The following CLVS2 variants were observed in gnomAD, a reference collection of about 807,000 sequenced individuals.
CLVS2 encodes the protein clavesin-2.
In CLVS2, 19 loss-of-function variants were observed where a neutral mutation model predicts 29.0. The observed-to-expected ratio is 0.66, with a 90% CI of 0.46 to 0.96. The LOEUF (loss-of-function observed/expected upper bound fraction) is 0.96, where lower values mean the gene tolerates loss of function less well. CLVS2 is among the 40% of genes least tolerant of loss of function. CLVS2 has a pLI of 0.00. For missense variants in CLVS2, 294 were observed against 404.1 expected (o/e 0.73, Z 2.34); for synonymous variants, 161 against 151.3 (o/e 1.06, Z -0.47).
intron 3 of CLVS2, among the ~76,000 whole-genome samples, chr6:123,043,883 C>G (rs1046889116): frequency 2.0e-5 from 3 of 152,084 alleles, no homozygotes; most frequent in Non-Finnish European, 4.4e-5. Flanking sequence ...GGATTCTTTA[C>G]TTTTTCTTTC....
intron 3 of CLVS2, among the ~76,000 whole-genome samples, chr6:123,040,184 A>G (rs1775208275): frequency 6.6e-6 from 1 of 152,206 alleles, no homozygotes; most frequent in Non-Finnish European, 1.5e-5. Flanking sequence ...TAGGCCTCAG[A>G]TTTTGAGATA....
At chr6:123,043,973 T>C (rs1775271529) in intron 3 of CLVS2, among the ~76,000 whole-genome samples, 1 of 152,134 alleles carries the variant, frequency 6.6e-6, no homozygotes, top group Non-Finnish European at 1.5e-5. Flanking sequence ...CACACACACA[T>C]ATAATGATAC....
rs891559896 is a variant in CLVS2, at chr6:123,067,608, T to C, written c.*3847T>C. On this transcript the variant is annotated 3_prime_UTR_variant, in exon 6 of 6. Transcript: ENST00000275162. ...AAATAAAATGAGCAGAGCTCTAGCA[T>C]GATATTTGAACTTTCAGATATGGTA... 3 of 151,774 alleles carry C rather than the reference T, an allele frequency of 2.0e-5. No homozygotes were observed. Among genetic ancestry groups the C allele is most frequent in the African/African-American group, 7.2e-5 (3 of 41,410 alleles). 9.4% of individuals were successfully genotyped at this position (151,774 alleles called of 1,614,324 possible). A position where few individuals can be genotyped will look rare whatever the true frequency, so the allele number is the denominator to read the frequency against.
rs984093628 is a variant in CLVS2 at position 123,010,982 on chromosome 6, T to C, written c.390-3T>C. The C allele has an allele frequency of 6.8e-7, 1 of 1,480,498 alleles. No individual in the cohort carries two copies. Among genetic ancestry groups the C allele is most frequent in the African/African-American group, 1.4e-5 (1 of 70,354 alleles). 91.7% of individuals were successfully genotyped at this position (1,480,498 alleles called of 1,614,324 possible). On this transcript the variant is annotated splice_polypyrimidine_tract_variant and splice_region_variant and intron_variant, in intron 2 of 5. Coordinates refer to ENST00000275162, the MANE Select transcript of CLVS2 (RefSeq NM_001010852.4). ...TAATTTAGTACTTTTCTGTCGCCGA[T>C]AGGTACACACTGGTGGATATTTTGC...
intron 2 of CLVS2, among the ~76,000 whole-genome samples, chr6:123,009,682 C>G (rs1279927121): frequency 6.6e-6 from 1 of 152,024 alleles, no homozygotes; most frequent in Non-Finnish European, 1.5e-5. Context: ...TTCCTGAAAT[C>G]TCTCCTGAGT....
intron 3 of CLVS2, among the ~76,000 whole-genome samples, chr6:123,038,312 C>T (rs1775182735): frequency 6.6e-6 from 1 of 152,098 alleles, no homozygotes; most frequent in African/African-American, 2.4e-5. Context: ...TATTCTCTAC[C>T]AGAATATAAA....
intron 3 of CLVS2, among the ~76,000 whole-genome samples, chr6:123,013,341 C>T (rs1264818672): frequency 6.6e-6 from 1 of 151,942 alleles, no homozygotes. Context: ...ACCATCAACA[C>T]CACAACAGTA....
Position 123,008,377 on chromosome 6 carries a change from C to T in CLVS2, c.390-2608C>T, listed in dbSNP as rs114805276. ...TTTGGAATAATGATATGTGTATCAA[C>T]GTTTATCTTGATTTTGAAACAGTTT... On this transcript the variant is annotated intron_variant, in intron 2 of 5. Transcript: ENST00000275162. Among the ~76,000 whole-genome samples the T allele has an allele frequency of 1.4e-3, 210 of 152,074 alleles. 1 individual carries two copies. Among genetic ancestry groups the T allele is most frequent in the Middle Eastern group, 6.8e-3 (2 of 294 alleles).
At chr6:123,016,352 G>A (rs976293609) in intron 3 of CLVS2, among the ~76,000 whole-genome samples, 1 of 138,084 alleles carries the variant, frequency 7.2e-6, no homozygotes, top group Non-Finnish European at 1.6e-5. Flanking sequence ...GGGGGAGGGG[G>A]AGGGTTACTG....
At chr6:123,005,774 A>T (rs1045600120) in intron 2 of CLVS2, among the ~76,000 whole-genome samples, 1 of 152,196 alleles carries the variant, frequency 6.6e-6, no homozygotes, top group African/African-American at 2.4e-5. Context: ...GTGTGGCAGG[A>T]CAAGGCTCTT....
chr6:123,050,551 G>T (rs1772594311), intron 4 of CLVS2, among the ~76,000 whole-genome samples: 1 of 152,166 alleles, frequency 6.6e-6, no homozygotes, highest in East Asian at 1.9e-4. Context: ...GAATAGCAAA[G>T]ACAAATGTCT....
intron 2 of CLVS2, 77 bp from the exon 3 acceptor site, chr6:123,010,908 G>T: frequency 1.1e-6 from 1 of 931,160 alleles, no homozygotes; most frequent in Non-Finnish European, 1.5e-6. Flanking sequence ...TGAATTTTTA[G>T]TGTGCTAGAA....
intron 2 of CLVS2, among the ~76,000 whole-genome samples, chr6:122,999,276 C>T (rs1311305653): frequency 6.6e-6 from 1 of 152,138 alleles, no homozygotes; most frequent in African/African-American, 2.4e-5. Flanking sequence ...ATAGAGATTT[C>T]CAGATAGGCT....
intron 3 of CLVS2, among the ~76,000 whole-genome samples, chr6:123,024,316 G>A (rs1379805911): frequency 6.6e-6 from 1 of 152,074 alleles, no homozygotes; most frequent in African/African-American, 2.4e-5. Context: ...TTATTCCTAG[G>A]ACACAAAACT....
intron 3 of CLVS2, among the ~76,000 whole-genome samples, chr6:123,027,007 G>A (rs894521216): frequency 7.2e-5 from 11 of 152,108 alleles, no homozygotes; most frequent in South Asian, 2.1e-4. Flanking sequence ...AGAGATGTAC[G>A]TAGGGAAACA....
chr6:123,006,981 T>G (rs892645922), intron 2 of CLVS2, among the ~76,000 whole-genome samples: 7 of 152,162 alleles, frequency 4.6e-5, no homozygotes, highest in Non-Finnish European at 7.3e-5. Context: ...AAAAGTTCAA[T>G]GCAGCGTCAC....
chr6:123,008,584 A>G (rs926474702), intron 2 of CLVS2, among the ~76,000 whole-genome samples: 8 of 152,166 alleles, frequency 5.3e-5, no homozygotes, highest in African/African-American at 1.9e-4. Flanking sequence ...TGGATAACAT[A>G]AGAATGGTCA....
At position 123,048,748 on chromosome 6, in the gene CLVS2, A is replaced by AT. The variant is rs770213022; in HGVS notation, c.675+21dup. 5 of 1,515,840 alleles carry AT rather than the reference A, an allele frequency of 3.3e-6. No individual in the cohort carries two copies. Among genetic ancestry groups the AT allele is most frequent in the Non-Finnish European group, 4.6e-6 (5 of 1,090,856 alleles). The allele number at this position is 1,515,840 out of a possible 1,614,324, so 93.9% of individuals were successfully genotyped here. ...TCGGAAAAGGGTATTCTTTTCTTTGATTTTTAATCCTTTCTCTTCCGCCAT... is the reference window on the plus strand; with the variant it reads ...TCGGAAAAGGGTATTCTTTTCTTTGATTTTTTAATCCTTTCTCTTCCGCCAT... On this transcript the variant is annotated intron_variant, in intron 4 of 5. Transcript: ENST00000275162.
chr6:123,023,216 T>C (rs1349591897), intron 3 of CLVS2, among the ~76,000 whole-genome samples: 2 of 152,096 alleles, frequency 1.3e-5, no homozygotes, highest in Non-Finnish European at 2.9e-5. Flanking sequence ...TCCTTTTCTC[T>C]GCAGTTCTGT....
Sources: allele counts gnomAD v4.1 joint callset (sites outside exome capture counted in the v4.1 genomes callset), GRCh38; gene constraint gnomAD v4.1.1; transcripts MANE v1.5; gene names NCBI Gene and HGNC (gene_info 2026-07-23, HGNC 2026-07-21).